ENSA: variants seen among roughly 807,000 people sequenced by gnomAD.
ENSA encodes the protein endosulfine alpha.
Under a neutral mutation model 16.8 loss-of-function variants are expected in ENSA, and 7 were observed. The ratio of observed to expected loss-of-function variants is 0.42; its 90% CI spans 0.24 to 0.78. The LOEUF (loss-of-function observed/expected upper bound fraction) is 0.78. ENSA is among the 30% of genes least tolerant of loss of function. ENSA has a pLI of 0.29. For missense variants in ENSA, 87 were observed against 142.3 expected (o/e 0.61, Z 1.98); for synonymous variants, 58 against 53.4 (o/e 1.09, Z -0.37).
At chr1:150,625,141 T>C in intron 3 of ENSA, 1 of 985,590 alleles carries the variant, frequency 1.0e-6, no homozygotes, top group African/African-American at 1.7e-5. Context: ...TTTTTCTTTT[T>C]AAGGATTCTC....
At chr1:150,621,828 G>A (rs1270289524), downstream of ENSA, 1 of 152,130 alleles carries the variant, frequency 6.6e-6, no homozygotes, top group Non-Finnish European at 1.5e-5. Context: ...GGAAGACAGA[G>A]GGAAAAGGAG....
chr1:150,624,910 G>A (rs1480099819), intron 3 of ENSA: 2 of 969,034 alleles, frequency 2.1e-6, no homozygotes, highest in Non-Finnish European at 1.2e-6. Context: ...TGCTGGGACT[G>A]AGTAGAGTGA....
rs1649086220 is a variant in ENSA, at chr1:150,623,365, T to C, written c.351-506A>G. ...AATGACCACTCCTTGCTAAGGAAGC[T>C]ATGTACTTCATGCTGTGGAAACTGG... On this transcript the variant is annotated intron_variant, in intron 3 of 3. Transcript: ENST00000369014. 7 of 986,168 alleles carry C rather than the reference T, an allele frequency of 7.1e-6. No homozygotes were observed. In the African/African-American group the frequency reaches 1.0e-4, roughly 15 times the overall value. The allele number at this position is 986,168 out of a possible 1,614,324, so 61.1% of individuals were successfully genotyped here.
At chr1:150,628,550 T>C (rs1209497848) in intron 1 of ENSA, among the ~76,000 whole-genome samples, 3 of 151,996 alleles carry the variant, frequency 2.0e-5, no homozygotes, top group Non-Finnish European at 2.9e-5. Flanking sequence ...TTTGAAAAGA[T>C]ATGAAGTCAA....
chr1:150,623,146 G>A lies in ENSA; in HGVS notation c.351-287C>T. The A allele has an allele frequency of 4.2e-6, 5 of 1,195,486 alleles. No individual in the cohort carries two copies. The South Asian group carries it at 9.3e-5, about 22-fold the overall frequency. The allele number at this position is 1,195,486 out of a possible 1,614,324, so 74.1% of individuals were successfully genotyped here. ...TTTAGATAAGATCAAAATAACTGGA[G>A]GTTTCCAGGTGGGTAAGCTGCCTGG... On this transcript the variant is annotated intron_variant, in intron 3 of 3. Transcript: ENST00000369014.
chr1:150,629,062 T>C (rs746938934), intron 1 of ENSA: 1 of 1,614,016 alleles, frequency 6.2e-7, no homozygotes, highest in African/African-American at 1.3e-5. Context: ...GTCACTTACC[T>C]CTACAAACCA....
At chr1:150,628,496 CTCTT>C (rs1163267591) in intron 1 of ENSA, among the ~76,000 whole-genome samples, 1 of 151,130 alleles carries the variant, frequency 6.6e-6, no homozygotes, top group Admixed American at 6.6e-5. Flanking sequence ...TGTAGTCAAT[CTCTT>C]TTTTTTTTTT....
chr1:150,625,165 A>G (rs944701077), intron 3 of ENSA: 6 of 985,740 alleles, frequency 6.1e-6, no homozygotes, highest in African/African-American at 3.5e-5. Flanking sequence ...ACCTGCCATA[A>G]TGGAAACATG....
At position 150,629,516 on chromosome 1, in the gene ENSA, G is replaced by A. The variant is rs1421998867; in HGVS notation, c.-46C>T. ...GTGTAAGGGGCCCGGGAAGGCAACC[G>A]GAGAAGGGAAGGGGGAGGGGAAACG... On this transcript the variant is annotated 5_prime_UTR_variant, in exon 1 of 4. Transcript: ENST00000369014. The A allele has an allele frequency of 9.4e-6, 15 of 1,600,032 alleles. No individual in the cohort carries two copies. Among genetic ancestry groups the A allele is most frequent in the Non-Finnish European group, 1.0e-5 (12 of 1,174,140 alleles).
chr1:150,629,600 G>A lies in ENSA; in HGVS notation c.-130C>T. ...ACTAGGGTTGCTCAGTCAAAATGGCGGCCCTTGCCCGTGACGTTGCGACCG... is the reference window on the plus strand; with the variant it reads ...ACTAGGGTTGCTCAGTCAAAATGGCAGCCCTTGCCCGTGACGTTGCGACCG... On this transcript the variant is annotated 5_prime_UTR_variant, in exon 1 of 4. Transcript: ENST00000369014. The A allele has an allele frequency of 8.3e-7, 1 of 1,202,204 alleles. No homozygotes were observed. Among genetic ancestry groups the A allele is most frequent in the East Asian group, 2.4e-5 (1 of 41,188 alleles). 74.5% of individuals were successfully genotyped at this position (1,202,204 alleles called of 1,614,324 possible).
chr1:150,626,665 TC>T (rs1168899242), intron 2 of ENSA: 1 of 569,232 alleles, frequency 1.8e-6, no homozygotes. Flanking sequence ...CACGCCATTC[TC>T]CTGCTTCAGC....
intron 3 of ENSA, chr1:150,625,347 A>C (rs1044807211): frequency 4.4e-5 from 48 of 1,089,334 alleles, no homozygotes; most frequent in Admixed American, 5.2e-5. Context: ...GAGAAATCAC[A>C]TCTCTCCAGT....
chr1:150,628,888 A>C, intron 1 of ENSA: 1 of 650,256 alleles, frequency 1.5e-6, no homozygotes, highest in Non-Finnish European at 2.7e-6. Flanking sequence ...GCAATAGACC[A>C]TCCTTAGCTA....
At chr1:150,628,881 A>G (rs1649536858) in intron 1 of ENSA, 1 of 635,946 alleles carries the variant, frequency 1.6e-6, no homozygotes, top group African/African-American at 1.8e-5. Context: ...AAGGTGAGCA[A>G]TAGACCATCC....
At chr1:150,622,065 T>C (rs967198231), downstream of ENSA, 2 of 152,252 alleles carry the variant, frequency 1.3e-5, no homozygotes, top group Admixed American at 1.3e-4. Flanking sequence ...AACAATGTCT[T>C]CAGTATTGTT....
intron 2 of ENSA, among the ~76,000 whole-genome samples, chr1:150,626,706 G>GCC (rs1001562095): frequency 1.2e-4 from 18 of 152,162 alleles, no homozygotes; most frequent in African/African-American, 4.1e-4. Flanking sequence ...ACAGGCGCCC[G>GCC]CCACCACACC....
Position 150,625,737 on chromosome 1 carries a change from T to C in ENSA, c.255A>G (p.Ala85=), listed in dbSNP as rs1649262091. 6.2e-7 allele frequency: 1 copy of C among 1,612,538 alleles called. No homozygotes were observed. Among genetic ancestry groups the C allele is most frequent in the Non-Finnish European group, 8.5e-7 (1 of 1,179,310 alleles). Residue 85 remains alanine (A), a synonymous_variant, in exon 3 of 4, where the codon GCA becomes GCG. Transcript: ENST00000369014. The part of the protein sequence containing the change: ...AKMKNKQLPS[A]GPDKNLVTGD... ...CAGTCACCAGGTTCTTGTCTGGTCC[T>C]GCACTTGGCAGCTGCTTATTCTTCA... is the stretch of plus-strand genomic sequence containing the variant.
At chr1:150,629,242 ACTAAC>A (rs1649570086) in intron 1 of ENSA, 167 bp downstream of exon 1, 6 of 1,525,616 alleles carry the variant, frequency 3.9e-6, no homozygotes, top group Non-Finnish European at 5.4e-6. Context: ...AAACGACCCA[ACTAAC>A]CAGCGCCAAA....
At chr1:150,627,082 A>G (rs1649385857) in intron 2 of ENSA, 1 of 1,341,752 alleles carries the variant, frequency 7.5e-7, no homozygotes, top group Admixed American at 3.4e-5. Context: ...TGTAGGAGAG[A>G]TGGTTTGATC....
Sources: allele counts gnomAD v4.1 joint callset (sites outside exome capture counted in the v4.1 genomes callset), GRCh38; gene constraint gnomAD v4.1.1; transcripts MANE v1.5; gene names NCBI Gene and HGNC (gene_info 2026-07-23, HGNC 2026-07-21).